The following BCAS3 variants were observed in gnomAD, a reference collection of about 807,000 sequenced individuals.
The protein encoded by BCAS3 is BCAS4/BCAS3 fusion.
A neutral mutation model predicts 116.1 loss-of-function variants in BCAS3; 53 were observed. The observed-to-expected ratio is 0.46, with a 90% CI of 0.37 to 0.57. BCAS3 has a LOEUF of 0.57. Ranked by LOEUF, BCAS3 falls within the 20% of genes least tolerant of loss-of-function variation. The probability of loss-of-function intolerance (pLI) is 0.00; values close to 1 mark genes in which losing one functional copy is unlikely to be tolerated. For synonymous variants in BCAS3, 391 were observed against 408.2 expected (o/e 0.96, Z 0.51); for missense variants, 917 against 1,165.4 (o/e 0.79, Z 3.10).
At position 61,363,324 on chromosome 17, in the gene BCAS3, A is replaced by AC. The variant is rs2058554068; in HGVS notation, c.2426-5003_2426-5002insC. 6.6e-6 allele frequency among the ~76,000 whole-genome samples: 1 copy of AC among 152,216 alleles called. No homozygotes were observed. Among genetic ancestry groups the AC allele is most frequent in the Non-Finnish European group, 1.5e-5 (1 of 68,036 alleles). ...ATGCCGTTAGAGTTTGAGCAAGAGT[A>AC]GTCTTTATACCTTCGGTAGTTGAGC... On this transcript the variant is annotated intron_variant, in intron 22 of 23. Coordinates refer to ENST00000407086, the MANE Select transcript of BCAS3 (RefSeq NM_017679.5). The surrounding 1 kb of genome is among the most constrained non-coding windows in gnomAD (Gnocchi z 4.9).
intron 7 of BCAS3, among the ~76,000 whole-genome samples, chr17:60,856,335 G>A (rs2053669145): frequency 6.6e-6 from 1 of 152,104 alleles, no homozygotes; most frequent in Non-Finnish European, 1.5e-5. Context: ...TATATTATAT[G>A]AAAATCCAAA....
chr17:61,087,827 C>T lies in BCAS3; in HGVS notation c.2425+3263C>T, dbSNP rs2073208291. Among the ~76,000 whole-genome samples the T allele has an allele frequency of 6.6e-6, 1 of 152,140 alleles. No individual in the cohort carries two copies. The highest frequency in any genetic ancestry group is 2.4e-5 in the African/African-American group (1 of 41,446). On this transcript the variant is annotated intron_variant, in intron 22 of 23. Coordinates refer to ENST00000407086, the MANE Select transcript of BCAS3 (RefSeq NM_017679.5). This position sits in a 1 kb window ranked among gnomAD's most constrained non-coding sequence, Gnocchi z 4.6. ...TTTTTGATTTTCAGCAGTTCTATAA[C>T]TGCTTGATGAGTAGATGTTATTCCC...
rs574774508 is a variant in BCAS3, at chr17:61,252,394, C to T, written c.2426-115933C>T. ...AGGCTTGGCCCTTGTTCAGCCCCCCCAGTTCCAGCTTCTTGACCACACAGT... is the reference window on the plus strand; with the variant it reads ...AGGCTTGGCCCTTGTTCAGCCCCCCTAGTTCCAGCTTCTTGACCACACAGT... On this transcript the variant is annotated intron_variant, in intron 22 of 23. Transcript: ENST00000407086. Among the ~76,000 whole-genome samples the T allele has an allele frequency of 3.9e-5, 6 of 152,342 alleles. 1 individual carries two copies. The South Asian group carries it at 1.2e-3, about 32-fold the overall frequency.
chr17:60,773,116 A>G (rs1263138091), intron 6 of BCAS3, among the ~76,000 whole-genome samples: 1 of 152,140 alleles, frequency 6.6e-6, no homozygotes, highest in Non-Finnish European at 1.5e-5. Flanking sequence ...CATCTTTGCC[A>G]CCATTTGGTG....
intron 22 of BCAS3, among the ~76,000 whole-genome samples, chr17:61,269,643 C>G (rs999465331): frequency 1.3e-5 from 2 of 152,028 alleles, no homozygotes; most frequent in African/African-American, 4.8e-5. Context: ...TGATAGTGGC[C>G]AACTTAATGG....
At chr17:60,924,367 G>A in intron 12 of BCAS3, 40 bp from the exon 13 acceptor site, 1 of 1,582,552 alleles carries the variant, frequency 6.3e-7, no homozygotes. Context: ...TTATCAGTGA[G>A]AAAATATTTA....
chr17:61,128,563 C>A lies in BCAS3; in HGVS notation c.2425+43999C>A. On this transcript the variant is annotated intron_variant, in intron 22 of 23. Transcript: ENST00000407086. This position sits in a 1 kb window ranked among gnomAD's most constrained non-coding sequence, Gnocchi z 4.1. ...GTTTGAATCGTTTGACTGCTATACACAATCCCCAGCACTTATAAAATAAAA... is the reference window on the plus strand; with the variant it reads ...GTTTGAATCGTTTGACTGCTATACAAAATCCCCAGCACTTATAAAATAAAA... The A allele has an allele frequency of 1.0e-6, 1 of 985,378 alleles. No homozygotes were observed. Among genetic ancestry groups the A allele is most frequent in the Non-Finnish European group, 1.2e-6 (1 of 829,904 alleles). The allele number at this position is 985,378 out of a possible 1,614,324, so 61.0% of individuals were successfully genotyped here. A position where few individuals can be genotyped will look rare whatever the true frequency, so the allele number is the denominator to read the frequency against.
chr17:60,689,549 A>C lies in BCAS3; in HGVS notation c.139-137A>C, dbSNP rs932523108. On this transcript the variant is annotated intron_variant, in intron 3 of 23. Transcript: ENST00000407086. ...ATTCTTTGGGGGTAATAATGTTCTA[A>C]AATATTCTAGTTACCAAGATGTAGG... 3 of 526,428 alleles carry C rather than the reference A, an allele frequency of 5.7e-6. No homozygotes were observed. The African/African-American group carries it at 5.9e-5, about 10-fold the overall frequency. The allele number at this position is 526,428 out of a possible 1,614,324, so 32.6% of individuals were successfully genotyped here.
intron 22 of BCAS3, among the ~76,000 whole-genome samples, chr17:61,115,858 T>C (rs1358348795): frequency 2.6e-5 from 4 of 151,498 alleles, no homozygotes; most frequent in African/African-American, 9.7e-5. Flanking sequence ...CCAACAATGA[T>C]AGACCGGATT....
At chr17:61,212,867 G>A (rs1006078551) in intron 22 of BCAS3, among the ~76,000 whole-genome samples, 1 of 152,112 alleles carries the variant, frequency 6.6e-6, no homozygotes, top group African/African-American at 2.4e-5. Context: ...GGTTAGCATC[G>A]TTCCTGTGGG....
chr17:61,354,715 A>T lies in BCAS3; in HGVS notation c.2426-13612A>T, dbSNP rs1452896735. Reference sequence around the variant, plus strand: ...GTACAGGTTTGTCCTTTGGAGTGAGAGCTCTTGGGTTTAGGTGGTTGAGAG... The same window carrying T: ...GTACAGGTTTGTCCTTTGGAGTGAGTGCTCTTGGGTTTAGGTGGTTGAGAG... On this transcript the variant is annotated intron_variant, in intron 22 of 23. Coordinates refer to ENST00000407086, the MANE Select transcript of BCAS3 (RefSeq NM_017679.5). The surrounding 1 kb of genome is among the most constrained non-coding windows in gnomAD (Gnocchi z 4.5). The T allele has an allele frequency of 6.6e-6, 1 of 152,198 alleles. No individual in the cohort carries two copies. The highest frequency in any genetic ancestry group is 1.9e-4 in the East Asian group (1 of 5,200). The allele number at this position is 152,198 out of a possible 1,614,324, so 9.4% of individuals were successfully genotyped here.
At chr17:60,810,870 G>A in intron 7 of BCAS3, 1 of 703,410 alleles carries the variant, frequency 1.4e-6, no homozygotes, top group Non-Finnish European at 2.6e-6. Flanking sequence ...GGTTGACCAT[G>A]GAGGTAGATG....
intron 5 of BCAS3, among the ~76,000 whole-genome samples, chr17:60,736,324 C>T (rs774289917): frequency 6.6e-6 from 1 of 151,278 alleles, no homozygotes; most frequent in Non-Finnish European, 1.5e-5. Context: ...TTTTTTCTTA[C>T]AGGCGTGTAC....
At chr17:61,127,399 A>G (rs2143844649) in intron 22 of BCAS3, among the ~76,000 whole-genome samples, 1 of 152,174 alleles carries the variant, frequency 6.6e-6, no homozygotes, top group East Asian at 1.9e-4. Flanking sequence ...TGTGTGAGTG[A>G]GCAGGGATAA....
chr17:60,689,953 T>G (rs1258353705), intron 4 of BCAS3, among the ~76,000 whole-genome samples, 192 bp downstream of exon 4: 1 of 152,224 alleles, frequency 6.6e-6, no homozygotes, highest in East Asian at 1.9e-4. Flanking sequence ...TTAAAGTAAC[T>G]ATAACACAGT....
intron 22 of BCAS3, among the ~76,000 whole-genome samples, chr17:61,155,478 C>G (rs971052750): frequency 7.3e-6 from 1 of 137,510 alleles, no homozygotes; most frequent in Non-Finnish European, 1.6e-5. Flanking sequence ...GCTTAAATAA[C>G]AGGTTAGAGT....
intron 23 of BCAS3, among the ~76,000 whole-genome samples, chr17:61,371,261 C>G (rs1188569419): frequency 6.6e-6 from 1 of 152,178 alleles, no homozygotes; most frequent in Non-Finnish European, 1.5e-5. Context: ...TGTAAAAACT[C>G]CTATTATGGC....
intron 6 of BCAS3, among the ~76,000 whole-genome samples, chr17:60,798,461 C>G (rs1832246038): frequency 6.6e-6 from 1 of 152,142 alleles, no homozygotes; most frequent in African/African-American, 2.4e-5. Context: ...TGATATATAG[C>G]CTTTTTATAT....
rs909958561 is a variant in BCAS3 at position 61,199,255 on chromosome 17, A to G, written c.2425+114691A>G. Reference sequence around the variant, plus strand: ...GTAGAACCACAAAATGCATGTTTTTATCTGTTCTGTTGTGTAGAATGTATA... The same window carrying G: ...GTAGAACCACAAAATGCATGTTTTTGTCTGTTCTGTTGTGTAGAATGTATA... On this transcript the variant is annotated intron_variant, in intron 22 of 23. Transcript: ENST00000407086. The surrounding 1 kb of genome is among the most constrained non-coding windows in gnomAD (Gnocchi z 4.6). Among the ~76,000 whole-genome samples, 4 of 152,066 alleles carry G rather than the reference A, an allele frequency of 2.6e-5. No homozygotes were observed. The highest frequency in any genetic ancestry group is 5.9e-5 in the Non-Finnish European group (4 of 68,018).
Sources: allele counts gnomAD v4.1 joint callset (sites outside exome capture counted in the v4.1 genomes callset), GRCh38; gene constraint gnomAD v4.1.1; non-coding constraint Gnocchi (gnomAD v3.1); transcripts MANE v1.5; gene names NCBI Gene and HGNC (gene_info 2026-07-23, HGNC 2026-07-21).